Variants in SPAG16 observed in about 807,000 individuals in gnomAD.
The protein encoded by SPAG16 is sperm-associated antigen 16 protein.
In SPAG16, 86 loss-of-function variants were observed where a neutral mutation model predicts 80.4. The ratio of observed to expected loss-of-function variants is 1.07; its 90% confidence interval spans 0.90 to 1.28. The LOEUF is 1.28. SPAG16 is among the 50% of genes most tolerant of loss of function. SPAG16 has a pLI of 0.00. For synonymous variants in SPAG16, 294 were observed against 265.9 expected (o/e 1.11, Z -1.03); for missense variants, 870 against 765.3 (o/e 1.14, Z -1.61).
intron 15 of SPAG16, among the ~76,000 whole-genome samples, chr2:214,407,119 T>C (rs939481391): frequency 2.6e-5 from 4 of 152,088 alleles, no homozygotes; most frequent in African/African-American, 9.6e-5. Context: ...TTATCTGTAT[T>C]TTAAAATACC....
chr2:213,338,338 A>G (rs1032262075), intron 5 of SPAG16, among the ~76,000 whole-genome samples: 7 of 152,226 alleles, frequency 4.6e-5, no homozygotes, highest in African/African-American at 1.7e-4. Context: ...CTAGCATCAT[A>G]GTGACAGGAT....
intron 10 of SPAG16, among the ~76,000 whole-genome samples, chr2:213,809,693 A>G (rs2072006275): frequency 6.6e-6 from 1 of 152,094 alleles, no homozygotes; most frequent in African/African-American, 2.4e-5. Context: ...AGAAGCTAAG[A>G]AAAAGTGAAA....
intron 15 of SPAG16, among the ~76,000 whole-genome samples, chr2:214,335,035 G>A (rs922168835): frequency 5.3e-5 from 8 of 152,196 alleles, no homozygotes; most frequent in African/African-American, 1.9e-4. Flanking sequence ...ACTGTCGGGA[G>A]TGAGAGAAGC....
chr2:213,960,441 C>T (rs1446620665), intron 12 of SPAG16, among the ~76,000 whole-genome samples: 1 of 151,508 alleles, frequency 6.6e-6, no homozygotes, highest in East Asian at 1.9e-4. Flanking sequence ...TCTTTCTAGG[C>T]TTTGTGATTT....
intron 5 of SPAG16, chr2:213,318,024 A>G (rs2063472501): frequency 6.6e-6 from 1 of 152,062 alleles, no homozygotes; most frequent in Admixed American, 6.6e-5. Flanking sequence ...TTACATTCCC[A>G]CCAACCATGT....
intron 12 of SPAG16, among the ~76,000 whole-genome samples, chr2:213,939,239 T>C (rs111321398): frequency 6.1e-4 from 93 of 152,332 alleles, no homozygotes; most frequent in Middle Eastern, 3.4e-3. Flanking sequence ...ACCAACTATG[T>C]ACCAAGTAAT....
At chr2:214,101,973 G>C (rs2053066587) in intron 13 of SPAG16, among the ~76,000 whole-genome samples, 3 of 152,214 alleles carry the variant, frequency 2.0e-5, no homozygotes, top group Non-Finnish European at 4.4e-5. Context: ...ATGCTCCCGG[G>C]TTAGAACTAC....
chr2:213,456,850 A>G (rs1320032749), intron 9 of SPAG16, among the ~76,000 whole-genome samples: 1 of 152,144 alleles, frequency 6.6e-6, no homozygotes, highest in Non-Finnish European at 1.5e-5. Context: ...ACAACTCTCT[A>G]TGGATTAATA....
At chr2:213,979,775 A>ATTTTAT (rs1575713528) in intron 12 of SPAG16, among the ~76,000 whole-genome samples, 10 of 152,078 alleles carry the variant, frequency 6.6e-5, no homozygotes. Flanking sequence ...CTAAAATCTT[A>ATTTTAT]TGCCTTTTCT....
chr2:213,535,520 C>A (rs2076212550), intron 10 of SPAG16, among the ~76,000 whole-genome samples: 1 of 152,022 alleles, frequency 6.6e-6, no homozygotes, highest in African/African-American at 2.4e-5. Context: ...AATATTAAAA[C>A]AAACTTTTTT....
chr2:214,149,489 A>G (rs945503326), intron 15 of SPAG16, among the ~76,000 whole-genome samples: 3 of 152,188 alleles, frequency 2.0e-5, no homozygotes, highest in Non-Finnish European at 4.4e-5. Context: ...ATAGGTGATA[A>G]TGTGTACTAA....
intron 13 of SPAG16, among the ~76,000 whole-genome samples, chr2:214,093,885 G>A (rs1220510642): frequency 6.6e-6 from 1 of 151,978 alleles, no homozygotes; most frequent in Non-Finnish European, 1.5e-5. Context: ...CCATGACTTT[G>A]CCCAACTAAC....
intron 15 of SPAG16, among the ~76,000 whole-genome samples, chr2:214,339,417 C>G (rs192746920): frequency 2.6e-5 from 4 of 152,206 alleles, no homozygotes; most frequent in Admixed American, 1.3e-4. Context: ...AAGTATAGTA[C>G]TTAGGCTGGA....
chr2:213,988,760 G>A (rs76858749), intron 12 of SPAG16, among the ~76,000 whole-genome samples: 3,734 of 151,954 alleles, frequency 0.025, 149 homozygotes, highest in African/African-American at 0.086. Flanking sequence ...GGATCTGTAT[G>A]TTGAAAACTA....
intron 15 of SPAG16, among the ~76,000 whole-genome samples, chr2:214,308,976 T>C (rs994773792): frequency 6.6e-6 from 1 of 152,098 alleles, no homozygotes; most frequent in African/African-American, 2.4e-5. Flanking sequence ...TATCCTGAAA[T>C]ATGTTTTCCC....
chr2:214,346,529 T>TG (rs1182110311), intron 15 of SPAG16, among the ~76,000 whole-genome samples: 1 of 152,122 alleles, frequency 6.6e-6, no homozygotes, highest in Non-Finnish European at 1.5e-5. Context: ...TATTGAAAGG[T>TG]GGGGTCTATG....
chr2:214,173,279 G>T (rs1194557268), intron 15 of SPAG16, among the ~76,000 whole-genome samples: 1 of 152,036 alleles, frequency 6.6e-6, no homozygotes, highest in African/African-American at 2.4e-5. Flanking sequence ...TTTGTATAAG[G>T]TGTGAGGAAG....
At chr2:213,827,174 T>A (rs2073354603) in intron 10 of SPAG16, among the ~76,000 whole-genome samples, 1 of 152,036 alleles carries the variant, frequency 6.6e-6, no homozygotes, top group Admixed American at 6.6e-5. Flanking sequence ...GAGAGTTTAG[T>A]CCATTTATAT....
chr2:214,169,837 A>C (rs1179516364), intron 15 of SPAG16, among the ~76,000 whole-genome samples: 1 of 152,024 alleles, frequency 6.6e-6, no homozygotes, highest in Admixed American at 6.6e-5. Context: ...GTGATGAACA[A>C]GTTAATTATC....
Sources: gnomAD v4.1 joint callset for allele counts (sites outside exome capture counted in the v4.1 genomes callset) on GRCh38, gnomAD v4.1.1 for gene constraint, MANE v1.5 for transcripts, NCBI Gene and HGNC (gene_info 2026-07-23, HGNC 2026-07-21) for gene names.